The following TXNDC9 variants were observed in gnomAD, a reference collection of about 807,000 sequenced individuals.
TXNDC9 encodes thioredoxin domain-containing protein 9.
A neutral mutation model predicts 23.0 loss-of-function variants in TXNDC9; 7 were observed. That is an observed-to-expected ratio of 0.30 (90% CI 0.17 to 0.57). The LOEUF (loss-of-function observed/expected upper bound fraction) is 0.57, where lower values mean the gene tolerates loss of function less well. TXNDC9 is among the 20% of genes least tolerant of loss of function. TXNDC9 has a pLI of 0.90. For missense variants in TXNDC9, 198 were observed against 252.6 expected (o/e 0.78, Z 1.47); for synonymous variants, 72 against 90.6 (o/e 0.79, Z 1.17).
At chr2:99,323,003 C>T (rs1012233444) in intron 3 of TXNDC9, among the ~76,000 whole-genome samples, 8 of 152,084 alleles carry the variant, frequency 5.3e-5, no homozygotes, top group Non-Finnish European at 7.4e-5. Flanking sequence ...CCTTGTGATC[C>T]GCCTGCCTCG....
the TXNDC9 span, among the ~76,000 whole-genome samples, chr2:99,307,091 A>C: frequency 3.0e-4 from 36 of 119,610 alleles, no homozygotes; most frequent in South Asian, 6.4e-4. Context: ...TCCCCTTCTC[A>C]CTCTCTCTCT....
At chr2:99,309,181 T>C in the TXNDC9 span, among the ~76,000 whole-genome samples, 1 of 151,846 alleles carries the variant, frequency 6.6e-6, no homozygotes, top group Non-Finnish European at 1.5e-5. Flanking sequence ...GAGACCAGCC[T>C]GGCCCGCATG....
the TXNDC9 span, among the ~76,000 whole-genome samples, chr2:99,312,982 G>A: frequency 6.6e-6 from 1 of 152,070 alleles, no homozygotes; most frequent in Admixed American, 6.6e-5. Context: ...GACCAACATG[G>A]AGAAACCCCA....
At chr2:99,326,039 A>C (rs898724750) in intron 3 of TXNDC9, among the ~76,000 whole-genome samples, 1 of 151,896 alleles carries the variant, frequency 6.6e-6, no homozygotes, top group African/African-American at 2.4e-5. Context: ...CAAAAAAAAA[A>C]CAAGTGGACA....
chr2:99,321,355 A>ATT (rs1276552449), intron 4 of TXNDC9: 1 of 152,208 alleles, frequency 6.6e-6, no homozygotes, highest in Non-Finnish European at 1.5e-5. Context: ...AATTAGATAA[A>ATT]TTATTTGTCT....
the TXNDC9 span, among the ~76,000 whole-genome samples, chr2:99,310,496 T>G: frequency 5.3e-5 from 8 of 152,102 alleles, no homozygotes; most frequent in Non-Finnish European, 8.8e-5. Flanking sequence ...GGCTGCTCAT[T>G]AGAATGATTG....
chr2:99,311,233 G>T, the TXNDC9 span, among the ~76,000 whole-genome samples: 49 of 152,166 alleles, frequency 3.2e-4, no homozygotes, highest in Non-Finnish European at 5.6e-4. Context: ...TGACACAGGA[G>T]AATTTTTTTA....
At chr2:99,313,168 A>C in the TXNDC9 span, among the ~76,000 whole-genome samples, 1 of 152,004 alleles carries the variant, frequency 6.6e-6, no homozygotes, top group East Asian at 1.9e-4. Context: ...GTCTCAAAAA[A>C]ACAAACAAAA....
At chr2:99,322,569 G>C (rs1559233986) in intron 3 of TXNDC9, 3 of 1,521,676 alleles carry the variant, frequency 2.0e-6, no homozygotes, top group Non-Finnish European at 2.6e-6. Flanking sequence ...ACAAGAATCA[G>C]AAGTGCACAC....
chr2:99,318,609 A>G (rs1475006300), downstream of TXNDC9, among the ~76,000 whole-genome samples: 2 of 151,990 alleles, frequency 1.3e-5, no homozygotes, highest in Non-Finnish European at 2.9e-5. Flanking sequence ...GGGTGATATA[A>G]CCCCTGGTCT....
At chr2:99,324,426 C>T (rs1436162412) in intron 3 of TXNDC9, among the ~76,000 whole-genome samples, 4 of 152,000 alleles carry the variant, frequency 2.6e-5, no homozygotes, top group Non-Finnish European at 4.4e-5. Context: ...AGTTCAGTAA[C>T]GAGATTTCAG....
intron 4 of TXNDC9, among the ~76,000 whole-genome samples, chr2:99,320,292 G>A (rs1019925733): frequency 2.0e-5 from 3 of 152,166 alleles, no homozygotes; most frequent in South Asian, 4.1e-4. Flanking sequence ...ATAGGTATGA[G>A]CCACTGCACC....
intron 4 of TXNDC9, among the ~76,000 whole-genome samples, chr2:99,320,609 C>T (rs2094199353): frequency 6.6e-6 from 1 of 152,076 alleles, no homozygotes; most frequent in Admixed American, 6.6e-5. Context: ...GTATGAAGGA[C>T]AATTATTGGG....
At chr2:99,335,696 C>T (rs13028722) in intron 1 of TXNDC9, among the ~76,000 whole-genome samples, 126,538 of 152,070 alleles carry the variant, frequency 0.83, 53,222 homozygotes, top group Middle Eastern at 0.98. Context: ...CAGAGAATGC[C>T]TACCCTGGAA....
intron 4 of TXNDC9, 167 bp downstream of exon 4, chr2:99,321,788 G>A: frequency 2.7e-6 from 2 of 733,606 alleles, no homozygotes; most frequent in Non-Finnish European, 2.1e-6. Context: ...GTAAAATCAC[G>A]CTAATATTAC....
chr2:99,333,981 CAG>C (rs930208919), intron 1 of TXNDC9, among the ~76,000 whole-genome samples: 8 of 152,280 alleles, frequency 5.3e-5, no homozygotes, highest in African/African-American at 1.4e-4. Context: ...TGTGTAAAAT[CAG>C]AGTTTCAAAA....
chr2:99,319,908 T>C, intron 4 of TXNDC9, 109 bp from the exon 5 acceptor site: 1 of 698,954 alleles, frequency 1.4e-6, no homozygotes, highest in Non-Finnish European at 2.3e-6. Flanking sequence ...AAAATTTCTT[T>C]AAAATGCTGG....
chr2:99,334,900 C>G (rs373203019), intron 1 of TXNDC9, among the ~76,000 whole-genome samples: 2 of 152,118 alleles, frequency 1.3e-5, no homozygotes, highest in African/African-American at 2.4e-5. Context: ...ATTTTTAGTA[C>G]AGACGGGGTT....
chr2:99,314,787 T>C (rs2094185004), downstream of TXNDC9, among the ~76,000 whole-genome samples: 1 of 152,016 alleles, frequency 6.6e-6, no homozygotes, highest in African/African-American at 2.4e-5. Flanking sequence ...GGGATGTCAT[T>C]GTGGTTTGGA....
Sources: gnomAD v4.1 joint callset for allele counts (sites outside exome capture counted in the v4.1 genomes callset) on GRCh38, gnomAD v4.1.1 for gene constraint, MANE v1.5 for transcripts, NCBI Gene and HGNC (gene_info 2026-07-23, HGNC 2026-07-21) for gene names.